The following PTPRG variants were observed in gnomAD, a reference collection of about 807,000 sequenced individuals.
The protein encoded by PTPRG is receptor-type tyrosine-protein phosphatase gamma.
In PTPRG, 102 loss-of-function variants were observed where a neutral mutation model predicts 165.3. The observed-to-expected ratio is 0.62, with a 90% CI of 0.53 to 0.73. The LOEUF is 0.73. Ranked by LOEUF, PTPRG falls within the 30% of genes least tolerant of loss-of-function variation. The pLI, the probability that PTPRG is intolerant of heterozygous loss-of-function variation, is 0.00. For missense variants in PTPRG, 1,866 were observed against 1,861.4 expected, an observed-to-expected ratio of 1.00 and a Z score of -0.05; for synonymous variants, 675 against 669.5, an observed-to-expected ratio of 1.01 and a Z score of -0.13.
chr3:61,803,427 A>G (rs901232331), intron 2 of PTPRG, among the ~76,000 whole-genome samples: 9 of 129,510 alleles, frequency 6.9e-5, no homozygotes, highest in African/African-American at 2.8e-4. Context: ...GGACATTGCA[A>G]TTGCTTAATT....
chr3:61,759,306 T>C (rs900425592), intron 2 of PTPRG, among the ~76,000 whole-genome samples: 5 of 152,216 alleles, frequency 3.3e-5, no homozygotes, highest in Non-Finnish European at 7.3e-5. Context: ...TCTTGAGAAA[T>C]GCTTTCTAAT....
intron 2 of PTPRG, among the ~76,000 whole-genome samples, chr3:61,794,921 G>A (rs999269342): frequency 6.6e-6 from 1 of 152,140 alleles, no homozygotes; most frequent in Non-Finnish European, 1.5e-5. Context: ...CATAATATGA[G>A]TGGTTAAAAT....
chr3:62,280,394 T>C (rs1702390141), intron 26 of PTPRG, among the ~76,000 whole-genome samples: 1 of 151,916 alleles, frequency 6.6e-6, no homozygotes, highest in Non-Finnish European at 1.5e-5. Context: ...AATCATGAAA[T>C]ACCTGATTTA....
In PTPRG at chr3:61,806,831, A is replaced by G. The variant is rs151082244; in HGVS notation, c.190+57849A>G. Among the ~76,000 whole-genome samples, 37 of 152,320 alleles carry G rather than the reference A, an allele frequency of 2.4e-4. No homozygotes were observed. The East Asian group carries it at 6.7e-3, about 28-fold the overall frequency. On this transcript the variant is annotated intron_variant, in intron 2 of 29. Coordinates refer to ENST00000474889, the MANE Select transcript of PTPRG (RefSeq NM_002841.4). ...CTGTTGATGTAATTTTAGGAAATCA[A>G]ATGAACTGGGATGGAAATTAGGTTT...
chr3:62,087,180 A>C (rs1701780990), intron 5 of PTPRG, among the ~76,000 whole-genome samples: 1 of 152,350 alleles, frequency 6.6e-6, no homozygotes, highest in East Asian at 1.9e-4. Flanking sequence ...GACAGATGAC[A>C]GGCCTGACCC....
intron 1 of PTPRG, among the ~76,000 whole-genome samples, chr3:61,637,297 C>T (rs1281380997): frequency 1.3e-5 from 2 of 152,158 alleles, no homozygotes; most frequent in African/African-American, 2.4e-5. Context: ...GCTCTTGTCC[C>T]ACTTATTATC....
At chr3:61,954,572 C>T (rs1449863473) in intron 2 of PTPRG, among the ~76,000 whole-genome samples, 1 of 152,062 alleles carries the variant, frequency 6.6e-6, no homozygotes, top group Non-Finnish European at 1.5e-5. Context: ...TATTCTAGCC[C>T]TGAAAAAATG....
chr3:62,021,510 T>C (rs1026772336), intron 4 of PTPRG, among the ~76,000 whole-genome samples: 5 of 152,200 alleles, frequency 3.3e-5, no homozygotes, highest in Admixed American at 2.0e-4. Context: ...TATACCCTTT[T>C]TGTTAAAATA....
intron 2 of PTPRG, among the ~76,000 whole-genome samples, chr3:61,972,598 T>C (rs921066098): frequency 4.0e-5 from 6 of 151,856 alleles, no homozygotes; most frequent in Non-Finnish European, 8.8e-5. Flanking sequence ...CAAGGAGTAG[T>C]TTCTGGATCT....
At chr3:62,164,024 CAT>C (rs1274475451) in intron 7 of PTPRG, among the ~76,000 whole-genome samples, 3 of 152,154 alleles carry the variant, frequency 2.0e-5, no homozygotes, top group African/African-American at 4.8e-5. Flanking sequence ...TACGTGATCT[CAT>C]ATATATTTTT....
intron 2 of PTPRG, among the ~76,000 whole-genome samples, chr3:61,956,940 C>T (rs1254116733): frequency 6.6e-6 from 1 of 152,102 alleles, no homozygotes; most frequent in Non-Finnish European, 1.5e-5. Context: ...TGCTTTGCCT[C>T]TTTTATTCCA....
chr3:61,820,371 AATGGGTACCTACCCACATTGAGGTACCC>A (rs1320788395), intron 2 of PTPRG, among the ~76,000 whole-genome samples: 6 of 152,158 alleles, frequency 3.9e-5, no homozygotes, highest in Admixed American at 6.5e-5. Flanking sequence ...GGGTGCCCTG[AATGGGTACCTACCCACATTGAGGTACCC>A]ACTCGTATTA....
intron 2 of PTPRG, among the ~76,000 whole-genome samples, chr3:61,933,692 A>G (rs991376814): frequency 6.6e-6 from 1 of 152,032 alleles, no homozygotes; most frequent in Admixed American, 6.5e-5. Flanking sequence ...CGCCCCTTCC[A>G]CTGCTCTCTA....
intron 2 of PTPRG, among the ~76,000 whole-genome samples, chr3:61,758,871 T>C (rs2033732832): frequency 6.6e-6 from 1 of 152,158 alleles, no homozygotes; most frequent in Non-Finnish European, 1.5e-5. Flanking sequence ...GAATTGCCAA[T>C]ATGTAGTTGG....
intron 2 of PTPRG, among the ~76,000 whole-genome samples, chr3:61,774,441 G>T (rs1039550370): frequency 6.6e-6 from 1 of 152,172 alleles, no homozygotes; most frequent in South Asian, 2.1e-4. Context: ...TGTGAGAGTT[G>T]GTACTGGAAC....
In PTPRG at chr3:62,203,554, G is replaced by A. The variant is rs766714894; in HGVS notation, c.1759G>A (p.Glu587Lys). ...GGAAGGAGAGAAGGATGAGAAAAGC[G>A]AGAGTGAGGATGGGGAGCGGGAGCA... is the stretch of plus-strand genomic sequence containing the variant. ...TEEGEKDEKSESEDGEREHEE... is the reference protein window; with the variant it reads ...TEEGEKDEKSKSEDGEREHEE... Residue 587 changes from glutamate to lysine, a missense_variant, in exon 12 of 30, where the codon GAG becomes AAG. By Grantham distance (56) the Glu-to-Lys change is moderately conservative. Coordinates refer to ENST00000474889, the MANE Select transcript of PTPRG (RefSeq NM_002841.4). This position sits in a 1 kb window ranked among gnomAD's most constrained non-coding sequence, Gnocchi z 6.4. 13 of 1,552,928 alleles carry A rather than the reference G, an allele frequency of 8.4e-6. No homozygotes were observed. The Admixed American group carries it at 9.8e-5, about 12-fold the overall frequency.
chr3:61,670,763 A>G (rs547773242), intron 1 of PTPRG, among the ~76,000 whole-genome samples: 2 of 152,310 alleles, frequency 1.3e-5, no homozygotes, highest in African/African-American at 4.8e-5. Context: ...GGAATTTGTC[A>G]TGGTTGAGTC....
At chr3:61,973,467 C>T (rs1440619183) in intron 2 of PTPRG, among the ~76,000 whole-genome samples, 16 of 152,172 alleles carry the variant, frequency 1.1e-4, no homozygotes, top group Non-Finnish European at 2.2e-4. Context: ...AGCTGTGGAT[C>T]TTAACTTCAG....
intron 4 of PTPRG, among the ~76,000 whole-genome samples, chr3:62,047,400 C>A (rs189040210): frequency 1.5e-4 from 23 of 152,260 alleles, no homozygotes; most frequent in Admixed American, 1.3e-3. Flanking sequence ...GCTGAGACCA[C>A]AAGCGTGAAC....
Sources: allele counts gnomAD v4.1 joint callset (sites outside exome capture counted in the v4.1 genomes callset), GRCh38; gene constraint gnomAD v4.1.1; non-coding constraint Gnocchi (gnomAD v3.1); transcripts MANE v1.5; gene names NCBI Gene and HGNC (gene_info 2026-07-23, HGNC 2026-07-21).